Variants in INTS13 observed in about 807,000 individuals in gnomAD.
INTS13 encodes the protein asunder, spermatogenesis regulator homolog (Drosphila).
Under a neutral mutation model 90.2 loss-of-function variants are expected in INTS13, and 35 were observed. The ratio of observed to expected loss-of-function variants is 0.39; its 90% CI spans 0.30 to 0.51. INTS13 has a LOEUF of 0.51. Ranked by LOEUF, INTS13 falls within the 20% of genes least tolerant of loss-of-function variation. INTS13 has a pLI of 0.80. For synonymous variants in INTS13, 309 were observed against 277.1 expected (o/e 1.11, Z -1.14); for missense variants, 601 against 851.2 (o/e 0.71, Z 3.66).
chr12:26,913,601 A>G lies in INTS13; in HGVS notation c.1661T>C (p.Leu554Ser). 6.2e-7 allele frequency: 1 copy of G among 1,614,036 alleles called. No individual in the cohort carries two copies. The highest frequency in any genetic ancestry group is 8.5e-7 in the Non-Finnish European group (1 of 1,180,008). The part of the protein sequence containing the change: ...INNSEKHQRV[L>S]ECLMACRSKP... ...GCTCCTGCATGCCATCAGACATTCC[A>G]AGACTCTTTGATGTTTCTCTGAGTT... The change falls in exon 14 of 17, where the codon TTG becomes TCG. Residue 554 changes from leucine to serine, a missense_variant. By Grantham distance (145) the Leu-to-Ser change is moderately radical. This residue lies in a region of INTS13 where 228 missense variants were observed against 272.5 expected (regional missense o/e 0.84). Transcript: ENST00000261191.
In INTS13 at chr12:26,908,303, T is replaced by C. The variant is rs573298884; in HGVS notation, c.1946-1866A>G. On this transcript the variant is annotated intron_variant, in intron 15 of 16. Transcript: ENST00000261191. Reference sequence around the variant, plus strand: ...TTGTGTACCCTGATTGTGATGGCGGTATGCATTGTCTAAACTCACAGAACT... The same window carrying C: ...TTGTGTACCCTGATTGTGATGGCGGCATGCATTGTCTAAACTCACAGAACT... Among the ~76,000 whole-genome samples, 3 of 152,312 alleles carry C rather than the reference T, an allele frequency of 2.0e-5. No homozygotes were observed. In the East Asian group the frequency reaches 5.8e-4, roughly 29 times the overall value.
At chr12:26,928,121 C>T (rs1253867115) in intron 5 of INTS13, 84 bp downstream of exon 5, 10 of 967,792 alleles carry the variant, frequency 1.0e-5, no homozygotes, top group East Asian at 2.7e-5. Context: ...TTCAGGGAAA[C>T]GCTACCAGTC....
At chr12:26,933,353 C>T (rs1355753977) in intron 3 of INTS13, among the ~76,000 whole-genome samples, 1 of 152,100 alleles carries the variant, frequency 6.6e-6, no homozygotes, top group Non-Finnish European at 1.5e-5. Context: ...AAGCCTAGCA[C>T]AATGGATGAG....
chr12:26,913,885 T>C (rs567005480), intron 13 of INTS13, 89 bp downstream of exon 13: 15 of 1,280,952 alleles, frequency 1.2e-5, no homozygotes, highest in Non-Finnish European at 1.4e-5. Flanking sequence ...TGTCCTCAAA[T>C]AGAATTTACA....
chr12:26,920,534 G>A (rs917849347), intron 8 of INTS13, among the ~76,000 whole-genome samples: 6 of 151,920 alleles, frequency 3.9e-5, no homozygotes, highest in Non-Finnish European at 7.4e-5. Context: ...GAGTAGCTGG[G>A]ACTACAGGCG....
At chr12:26,908,808 A>T (rs910723709) in intron 15 of INTS13, among the ~76,000 whole-genome samples, 1 of 152,252 alleles carries the variant, frequency 6.6e-6, no homozygotes, top group Admixed American at 6.5e-5. Context: ...ATCAGCCTCA[A>T]ATAGAAAGTT....
chr12:26,917,853 G>T, intron 8 of INTS13, 120 bp from the exon 9 acceptor site: 1 of 731,926 alleles, frequency 1.4e-6, no homozygotes, highest in Non-Finnish European at 2.2e-6. Flanking sequence ...GCCGGGTGCA[G>T]TGGCTCATGC....
chr12:26,916,907 T>C (rs1299160285), intron 10 of INTS13, among the ~76,000 whole-genome samples: 1 of 152,190 alleles, frequency 6.6e-6, no homozygotes, highest in Admixed American at 6.5e-5. Context: ...AAAGGTATCA[T>C]GTTCAAATAT....
intron 8 of INTS13, among the ~76,000 whole-genome samples, chr12:26,920,547 C>T (rs977790773): frequency 1.7e-4 from 26 of 151,874 alleles, no homozygotes; most frequent in African/African-American, 5.1e-4. Flanking sequence ...TACAGGCGCA[C>T]GCCACCATGC....
At chr12:26,923,058 C>T (rs947630103) in intron 7 of INTS13, among the ~76,000 whole-genome samples, 8 of 151,836 alleles carry the variant, frequency 5.3e-5, no homozygotes, top group African/African-American at 1.7e-4. Flanking sequence ...AAATTTAAAG[C>T]GAAATCATTG....
At chr12:26,934,778 G>A (rs1474940930) in intron 2 of INTS13, 148 bp from the exon 3 acceptor site, 1 of 677,470 alleles carries the variant, frequency 1.5e-6, no homozygotes, top group Non-Finnish European at 2.6e-6. Flanking sequence ...TATATGCCAG[G>A]TGCTATTGCT....
chr12:26,910,824 G>A (rs1951749514), intron 15 of INTS13, among the ~76,000 whole-genome samples: 1 of 152,042 alleles, frequency 6.6e-6, no homozygotes, highest in South Asian at 2.1e-4. Flanking sequence ...GTACAAAACA[G>A]AGCTTCATTG....
intron 13 of INTS13, 88 bp downstream of exon 13, chr12:26,913,886 A>G (rs1951860649): frequency 7.8e-7 from 1 of 1,286,092 alleles, no homozygotes; most frequent in African/African-American, 1.5e-5. Flanking sequence ...GTCCTCAAAT[A>G]GAATTTACAT....
intron 15 of INTS13, among the ~76,000 whole-genome samples, chr12:26,909,161 G>C (rs1203204738): frequency 6.6e-6 from 1 of 152,170 alleles, no homozygotes; most frequent in African/African-American, 2.4e-5. Context: ...AGGAGTTCGA[G>C]ACCAGCCTGA....
At chr12:26,935,405 T>C (rs540778668) in intron 2 of INTS13, among the ~76,000 whole-genome samples, 2 of 152,242 alleles carry the variant, frequency 1.3e-5, no homozygotes, top group African/African-American at 4.8e-5. Context: ...TCTTTTTCCC[T>C]ATATATCGAT....
chr12:26,928,862 G>C lies in INTS13; in HGVS notation c.344C>G (p.Ala115Gly), dbSNP rs778722556. The C allele has an allele frequency of 1.6e-5, 26 of 1,614,096 alleles. No homozygotes were observed. Among genetic ancestry groups the C allele is most frequent in the African/African-American group, 2.7e-5 (2 of 74,944 alleles). ...CAGAATACTGCAGCACTCTGGATCT[G>C]CCCGAGGATTAGGAGGCCCAACAGC... ...LAAVGPPNPRADPECCSILHG... is the reference protein window; with the variant it reads ...LAAVGPPNPRGDPECCSILHG... Residue 115 changes from alanine to glycine, a missense_variant, in exon 4 of 17, where the codon GCA (alanine) becomes GGA (glycine). Physicochemically the swap from Ala to Gly is moderately conservative, Grantham distance 60 (BLOSUM62 0). Transcript: ENST00000261191.
intron 3 of INTS13, among the ~76,000 whole-genome samples, chr12:26,929,921 A>G (rs1938100811): frequency 6.6e-6 from 1 of 152,200 alleles, no homozygotes; most frequent in African/African-American, 2.4e-5. Context: ...TGAATTTACG[A>G]AATCCCAAGG....
At chr12:26,923,976 G>A (rs1487451287) in intron 7 of INTS13, among the ~76,000 whole-genome samples, 1 of 151,828 alleles carries the variant, frequency 6.6e-6, no homozygotes, top group Admixed American at 6.6e-5. Flanking sequence ...CTCACATAAC[G>A]TGTTCTTATT....
rs1354942827 is a variant in INTS13 at position 26,913,255 on chromosome 12, C to T, written c.1805+202G>A. 2.6e-5 allele frequency among the ~76,000 whole-genome samples: 4 copies of T among 152,100 alleles called. No individual in the cohort carries two copies. In the East Asian group the frequency reaches 7.7e-4, roughly 29 times the overall value. The stretch of plus-strand genomic sequence containing the variant: ...TTAGGAAAAACTAACACTAACTTTG[C>T]CCCAACAGTAAAAATTCATACTTTT... On this transcript the variant is annotated intron_variant, in intron 14 of 16. Transcript: ENST00000261191.
Sources: gnomAD v4.1 joint callset for allele counts (sites outside exome capture counted in the v4.1 genomes callset) on GRCh38, gnomAD v4.1.1 for gene constraint, gnomAD v4.1.1 regional missense constraint, MANE v1.5 for transcripts, NCBI Gene and HGNC (gene_info 2026-07-23, HGNC 2026-07-21) for gene names.